The following SOX5 variants were observed in gnomAD, a reference collection of about 807,000 sequenced individuals.
SOX5 encodes the protein SRY-box transcription factor 5, also known as transcription factor SOX-5.
In SOX5, 9 loss-of-function variants were observed where a neutral mutation model predicts 92.0. That is an observed-to-expected ratio of 0.10 (90% CI 0.06 to 0.17). SOX5 has a LOEUF of 0.17. Among genes scored for constraint, SOX5 ranks in the 10% least tolerant of loss-of-function variants. The pLI is 1.00. For synonymous variants in SOX5, 344 were observed against 336.3 expected (o/e 1.02, Z -0.25); for missense variants, 642 against 944.5 (o/e 0.68, Z 4.20).
At chr12:23,631,272 T>C (rs931205590) in intron 8 of SOX5, among the ~76,000 whole-genome samples, 2 of 152,068 alleles carry the variant, frequency 1.3e-5, no homozygotes, top group African/African-American at 4.8e-5. Context: ...TGAATTTGTC[T>C]TCATAAAATA....
chr12:23,786,638 A>C lies in SOX5; in HGVS notation c.482-30914T>G, dbSNP rs547965404. On this transcript the variant is annotated intron_variant, in intron 3 of 14. Coordinates refer to ENST00000451604, the MANE Select transcript of SOX5 (RefSeq NM_006940.6). Reference sequence around the variant, plus strand: ...TATCAATCACGTATTATTTTTCTAGAAGAAATTGTAACAATAGCGTAGGTA... The same window carrying C: ...TATCAATCACGTATTATTTTTCTAGCAGAAATTGTAACAATAGCGTAGGTA... Among the ~76,000 whole-genome samples the C allele has an allele frequency of 1.7e-4, 19 of 110,478 alleles. 1 individual carries two copies. The highest frequency in any genetic ancestry group is 5.8e-4 in the African/African-American group (17 of 29,324). The allele number at this position is 110,478 out of a possible 152,430, so 72.5% of individuals were successfully genotyped here. A position where few individuals can be genotyped will look rare whatever the true frequency, so the allele number is the denominator to read the frequency against.
At chr12:24,321,567 A>T (rs1406833155) in intron 2 of SOX5, among the ~76,000 whole-genome samples, 1 of 152,222 alleles carries the variant, frequency 6.6e-6, no homozygotes, top group Admixed American at 6.5e-5. Context: ...GCCCATGAAT[A>T]TCACATACTC....
chr12:24,375,236 GT>G (rs1957140464), intron 1 of SOX5, among the ~76,000 whole-genome samples: 1 of 151,838 alleles, frequency 6.6e-6, no homozygotes, highest in Admixed American at 6.6e-5. Flanking sequence ...GCCTCCCAAA[GT>G]GCTGGGATTA....
At chr12:24,489,330 T>C (rs924490261) in intron 1 of SOX5, among the ~76,000 whole-genome samples, 4 of 152,166 alleles carry the variant, frequency 2.6e-5, no homozygotes, top group South Asian at 2.1e-4. Context: ...TTTCCAAGCC[T>C]ACATTTGCCA....
intron 3 of SOX5, among the ~76,000 whole-genome samples, chr12:23,781,744 T>A (rs2095284479): frequency 6.6e-6 from 1 of 152,094 alleles, no homozygotes; most frequent in South Asian, 2.1e-4. Context: ...TTGTCTGTTC[T>A]TTAGAACACA....
chr12:23,561,596 A>T (rs1196634559), intron 11 of SOX5, among the ~76,000 whole-genome samples: 1 of 152,184 alleles, frequency 6.6e-6, no homozygotes, highest in African/African-American at 2.4e-5. Flanking sequence ...CACGCTGCTT[A>T]GGGGCCTAGG....
intron 4 of SOX5, among the ~76,000 whole-genome samples, chr12:24,013,105 C>T (rs1436309065): frequency 2.1e-4 from 32 of 152,118 alleles, no homozygotes; most frequent in Non-Finnish European, 2.9e-5. Flanking sequence ...AGCATATTAT[C>T]ATTCAAAGCC....
At position 23,530,815 on chromosome 12, in the gene SOX5, G is replaced by GTGTGTGTGTGTGTGTGTGTT. The variant is rs1318089684; in HGVS notation, c.*3403_*3404insAACACACACACACACACACA. On this transcript the variant is annotated 3_prime_UTR_variant, in exon 15 of 15. Transcript: ENST00000451604. ...TTGGGGCAAGTGTGTGTGTGTGTGT[G>GTGTGTGTGTGTGTGTGTGTT]TGTGCGCGCGCGCGCGCGCGCATGT... 5 of 142,082 alleles carry GTGTGTGTGTGTGTGTGTGTT rather than the reference G, an allele frequency of 3.5e-5. No homozygotes were observed. The highest frequency in any genetic ancestry group is 1.3e-4 in the African/African-American group (5 of 38,964). The allele number at this position is 142,082 out of a possible 1,614,324, so 8.8% of individuals were successfully genotyped here. A position where few individuals can be genotyped will look rare whatever the true frequency, so the allele number is the denominator to read the frequency against.
At chr12:23,845,487 T>G (rs2096564878) in intron 3 of SOX5, among the ~76,000 whole-genome samples, 1 of 152,290 alleles carries the variant, frequency 6.6e-6, no homozygotes, top group South Asian at 2.1e-4. Flanking sequence ...GTTGAACAAA[T>G]AGGAACTTAA....
At chr12:24,280,008 AC>A (rs1187547849) in intron 2 of SOX5, among the ~76,000 whole-genome samples, 1 of 151,910 alleles carries the variant, frequency 6.6e-6, no homozygotes, top group Non-Finnish European at 1.5e-5. Flanking sequence ...TTTCCAACCT[AC>A]CCATTAAATC....
intron 6 of SOX5, among the ~76,000 whole-genome samples, chr12:23,720,814 T>C (rs1866366314): frequency 1.3e-5 from 2 of 152,182 alleles, no homozygotes; most frequent in African/African-American, 4.8e-5. Context: ...AGACTTAATA[T>C]TTGTTTCAAA....
intron 1 of SOX5, among the ~76,000 whole-genome samples, chr12:23,910,749 T>C (rs150650584): frequency 6.6e-6 from 1 of 152,278 alleles, no homozygotes; most frequent in East Asian, 1.9e-4. Flanking sequence ...CTTCGTACTG[T>C]CCTGTCAGTG....
chr12:24,161,500 G>A (rs1952752247), intron 4 of SOX5, among the ~76,000 whole-genome samples: 1 of 152,010 alleles, frequency 6.6e-6, no homozygotes, highest in Admixed American at 6.6e-5. Context: ...AGGCCAGTAT[G>A]TTTACTATTA....
chr12:24,458,016 A>C (rs540571199), intron 1 of SOX5, among the ~76,000 whole-genome samples: 20 of 150,314 alleles, frequency 1.3e-4, no homozygotes, highest in Middle Eastern at 3.2e-3. Flanking sequence ...CACTCAAGTA[A>C]ATATGAATTG....
At chr12:23,617,763 C>T (rs139307312) in intron 8 of SOX5, among the ~76,000 whole-genome samples, 5 of 151,896 alleles carry the variant, frequency 3.3e-5, no homozygotes, top group East Asian at 1.9e-4. Flanking sequence ...TCATTACACA[C>T]CAATAAATCT....
At chr12:23,916,211 C>G (rs1338945459) in intron 1 of SOX5, among the ~76,000 whole-genome samples, 2 of 152,180 alleles carry the variant, frequency 1.3e-5, no homozygotes, top group Non-Finnish European at 2.9e-5. Context: ...CATCAGCATT[C>G]CCAAAATGAC....
At chr12:24,384,401 C>T (rs1437547444) in intron 1 of SOX5, among the ~76,000 whole-genome samples, 1 of 149,696 alleles carries the variant, frequency 6.7e-6, no homozygotes, top group Non-Finnish European at 1.5e-5. Context: ...AGTCTGCATC[C>T]CAGGGACTGG....
At chr12:24,387,414 C>T (rs370389871) in intron 1 of SOX5, among the ~76,000 whole-genome samples, 17 of 152,066 alleles carry the variant, frequency 1.1e-4, no homozygotes, top group East Asian at 3.9e-4. Context: ...TATGTGTGAC[C>T]CAAGACAATT....
intron 1 of SOX5, among the ~76,000 whole-genome samples, chr12:24,511,759 C>T (rs971419376): frequency 2.0e-5 from 3 of 151,960 alleles, no homozygotes; most frequent in Admixed American, 1.3e-4. Flanking sequence ...GAGATCAAGA[C>T]CATCCTGGCT....
Sources: gnomAD v4.1 joint callset for allele counts (sites outside exome capture counted in the v4.1 genomes callset) on GRCh38, gnomAD v4.1.1 for gene constraint, MANE v1.5 for transcripts, NCBI Gene and HGNC (gene_info 2026-07-23, HGNC 2026-07-21) for gene names.